Variants in CTNNA2 observed in about 807,000 individuals in gnomAD.
CTNNA2 encodes the protein catenin alpha-2.
A neutral mutation model predicts 101.0 loss-of-function variants in CTNNA2; 42 were observed. That is an observed-to-expected ratio of 0.42 (90% CI 0.32 to 0.54). The LOEUF is 0.54. Ranked by LOEUF, CTNNA2 falls within the 20% of genes least tolerant of loss-of-function variation. The pLI, the probability that CTNNA2 is intolerant of heterozygous loss-of-function variation, is 0.14. For missense variants in CTNNA2, 871 were observed against 1,223.1 expected, an observed-to-expected ratio of 0.71 and a Z score of 4.29; for synonymous variants, 450 against 456.4, an observed-to-expected ratio of 0.99 and a Z score of 0.18.
At chr2:79,405,354 C>T (rs1678330278) in intron 4 of CTNNA2, among the ~76,000 whole-genome samples, 1 of 152,070 alleles carries the variant, frequency 6.6e-6, no homozygotes, top group Non-Finnish European at 1.5e-5. Context: ...GCAATGGATT[C>T]TTGCTCTGTC....
chr2:79,312,954 C>CT (rs1452278630), intron 3 of CTNNA2, among the ~76,000 whole-genome samples: 1 of 152,136 alleles, frequency 6.6e-6, no homozygotes, highest in Non-Finnish European at 1.5e-5. Flanking sequence ...TAGTATTAAA[C>CT]TTTATCTCTT....
chr2:79,467,068 C>T (rs938461498), intron 4 of CTNNA2, among the ~76,000 whole-genome samples: 1 of 152,170 alleles, frequency 6.6e-6, no homozygotes, highest in Non-Finnish European at 1.5e-5. Flanking sequence ...TTCAGATGAT[C>T]AAACTTCTCT....
At chr2:80,610,836 A>C (rs75341558) in intron 17 of CTNNA2, among the ~76,000 whole-genome samples, 5,329 of 151,676 alleles carry the variant, frequency 0.035, 314 homozygotes, top group African/African-American at 0.12. Context: ...TTGGCTTGAG[A>C]GGTGGGGACA....
chr2:79,346,748 A>T (rs557962545), intron 3 of CTNNA2, among the ~76,000 whole-genome samples: 2 of 152,340 alleles, frequency 1.3e-5, no homozygotes, highest in South Asian at 4.1e-4. Context: ...ATTATATACA[A>T]GTATGTTATC....
chr2:80,487,084 G>C (rs1190465517), intron 9 of CTNNA2, among the ~76,000 whole-genome samples: 1 of 151,940 alleles, frequency 6.6e-6, no homozygotes, highest in African/African-American at 2.4e-5. Flanking sequence ...AGGAGTTCCA[G>C]ACCAGCGTGA....
chr2:80,419,654 C>T (rs1680339221), intron 9 of CTNNA2, 53 bp downstream of exon 9: 3 of 1,542,562 alleles, frequency 1.9e-6, no homozygotes, highest in Admixed American at 3.7e-5. Flanking sequence ...TCAATCTCTG[C>T]ATATGGCTCT....
rs200977623 is a variant in CTNNA2 at position 80,604,080 on chromosome 2, A to G, written c.2196A>G (p.Lys732=). 133 of 1,612,420 alleles carry G rather than the reference A, an allele frequency of 8.2e-5. No individual in the cohort carries two copies. Among genetic ancestry groups the G allele is most frequent in the Non-Finnish European group, 1.1e-4 (129 of 1,179,072 alleles). The stretch of plus-strand genomic sequence containing the variant: ...GTTGTATATGTTGTTTCAGAGGCAA[A>G]GGCCCATTGAAAAATACATCTGATG... ...MMEMTDFTRG[K]GPLKNTSDVI... The change falls in exon 16 of 19, where the codon AAA becomes AAG. Residue 732 remains lysine, a synonymous_variant. Coordinates refer to ENST00000402739, the MANE Select transcript of CTNNA2 (RefSeq NM_001282597.3).
intron 13 of CTNNA2, among the ~76,000 whole-genome samples, chr2:80,576,627 T>C (rs963697314): frequency 6.6e-6 from 1 of 151,858 alleles, no homozygotes; most frequent in African/African-American, 2.4e-5. Context: ...GGCCACACTT[T>C]TATCAACTGA....
At chr2:79,810,742 T>C (rs1422525881) in intron 3 of CTNNA2, among the ~76,000 whole-genome samples, 2 of 151,886 alleles carry the variant, frequency 1.3e-5, no homozygotes, top group Non-Finnish European at 2.9e-5. Flanking sequence ...GTGTTCTCAT[T>C]TTTCAATTCC....
At chr2:80,002,798 A>T (rs908174796) in intron 7 of CTNNA2, among the ~76,000 whole-genome samples, 1 of 152,152 alleles carries the variant, frequency 6.6e-6, no homozygotes, top group African/African-American at 2.4e-5. Flanking sequence ...CTCATCACTG[A>T]TATACTTCTG....
intron 2 of CTNNA2, among the ~76,000 whole-genome samples, chr2:79,218,216 C>T (rs1329400148): frequency 6.6e-6 from 1 of 152,178 alleles, no homozygotes; most frequent in Non-Finnish European, 1.5e-5. Flanking sequence ...TTCCATCACC[C>T]TGCCCAAAGG....
rs1453654021 is a variant in CTNNA2 at position 79,285,003 on chromosome 2, C to G, written c.-405-27706C>G. On this transcript the variant is annotated intron_variant, in intron 2 of 21. Transcript: ENST00000466387. The stretch of plus-strand genomic sequence containing the variant: ...TTTAGTCTTGGAAGAGTGTATGTGT[C>G]GAGGAATTTATCCATTTCTTCTAGA... 2.4e-4 allele frequency among the ~76,000 whole-genome samples: 26 copies of G among 110,378 alleles called. 1 individual carries two copies. Among genetic ancestry groups the G allele is most frequent in the African/African-American group, 9.0e-4 (26 of 28,836 alleles). The allele number at this position is 110,378 out of a possible 152,430, so 72.4% of individuals were successfully genotyped here. A position where few individuals can be genotyped will look rare whatever the true frequency, so the allele number is the denominator to read the frequency against.
At chr2:80,122,595 T>C (rs1701902946) in intron 7 of CTNNA2, among the ~76,000 whole-genome samples, 1 of 149,352 alleles carries the variant, frequency 6.7e-6, no homozygotes, top group Admixed American at 6.6e-5. Flanking sequence ...CATTACTCTG[T>C]GGAAATTGAC....
intron 2 of CTNNA2, among the ~76,000 whole-genome samples, chr2:79,264,184 G>A (rs529272220): frequency 6.6e-6 from 1 of 152,230 alleles, no homozygotes; most frequent in African/African-American, 2.4e-5. Flanking sequence ...TCCAGACCTG[G>A]TTTTAAAAGG....
At chr2:79,337,720 C>T (rs573368607) in intron 3 of CTNNA2, among the ~76,000 whole-genome samples, 1 of 152,082 alleles carries the variant, frequency 6.6e-6, no homozygotes, top group Admixed American at 6.5e-5. Context: ...TTACTGTCTG[C>T]TCTGCACTGA....
At chr2:79,193,696 C>G (rs949568103) in intron 1 of CTNNA2, among the ~76,000 whole-genome samples, 30 of 152,118 alleles carry the variant, frequency 2.0e-4, no homozygotes, top group African/African-American at 7.2e-4. Context: ...ACAAATGTAG[C>G]TTCAAGAAAC....
At chr2:79,405,452 A>G (rs1431128820) in intron 4 of CTNNA2, among the ~76,000 whole-genome samples, 1 of 151,980 alleles carries the variant, frequency 6.6e-6, no homozygotes, top group Non-Finnish European at 1.5e-5. Context: ...CAGCCTCCCA[A>G]GTAGCTGGGA....
chr2:80,175,745 G>A (rs903571968), intron 7 of CTNNA2, among the ~76,000 whole-genome samples: 1 of 152,218 alleles, frequency 6.6e-6, no homozygotes, highest in African/African-American at 2.4e-5. Context: ...TCCAGTCTGA[G>A]TCAAACCTCA....
chr2:80,209,602 GACACACAC>G (rs139384928), intron 7 of CTNNA2, among the ~76,000 whole-genome samples: 2 of 145,484 alleles, frequency 1.4e-5, no homozygotes, highest in Admixed American at 6.8e-5. Flanking sequence ...CATACACACA[GACACACAC>G]ACACACACAC....
Sources: allele counts gnomAD v4.1 joint callset (sites outside exome capture counted in the v4.1 genomes callset), GRCh38; gene constraint gnomAD v4.1.1; transcripts MANE v1.5; gene names NCBI Gene and HGNC (gene_info 2026-07-23, HGNC 2026-07-21).